Variants in PDSS2 observed in about 807,000 individuals in gnomAD.
The protein encoded by PDSS2 is decaprenyl diphosphate synthase subunit 2, also known as all trans-polyprenyl-diphosphate synthase PDSS2.
PDSS2 carries 31 observed loss-of-function variants against 44.5 expected under a neutral mutation model. The observed-to-expected ratio is 0.70, with a 90% CI of 0.52 to 0.94. The LOEUF is 0.94. Among genes scored for constraint, PDSS2 ranks in the 40% least tolerant of loss-of-function variants. The probability of loss-of-function intolerance (pLI) is 0.00; values close to 1 mark genes in which losing one functional copy is unlikely to be tolerated. For missense variants in PDSS2, 452 were observed against 482.2 expected (o/e 0.94, Z 0.59); for synonymous variants, 157 against 180.3 (o/e 0.87, Z 1.03).
chr6:107,195,163 G>A (rs185950049), intron 6 of PDSS2, among the ~76,000 whole-genome samples: 212 of 151,834 alleles, frequency 1.4e-3, no homozygotes, highest in Non-Finnish European at 2.5e-3. Flanking sequence ...GATTACTTCC[G>A]TGAGAGAAAA....
At chr6:107,363,573 T>C (rs1469363714) in intron 1 of PDSS2, among the ~76,000 whole-genome samples, 14 of 152,166 alleles carry the variant, frequency 9.2e-5, no homozygotes, top group Non-Finnish European at 4.4e-5. Context: ...TTACAGCTCA[T>C]AAAAGCAGCG....
At chr6:107,408,077 G>T (rs1780378353) in intron 1 of PDSS2, among the ~76,000 whole-genome samples, 1 of 151,204 alleles carries the variant, frequency 6.6e-6, no homozygotes, top group African/African-American at 2.4e-5. Flanking sequence ...ATTCAAGCTG[G>T]AGTGCAGTGG....
At chr6:107,211,600 T>C (rs1048234395) in intron 5 of PDSS2, among the ~76,000 whole-genome samples, 7 of 151,920 alleles carry the variant, frequency 4.6e-5, no homozygotes, top group Non-Finnish European at 7.4e-5. Flanking sequence ...CGTGGTGGCA[T>C]GTGCCTGTAA....
At chr6:107,274,777 A>G (rs1775723400) in intron 2 of PDSS2, among the ~76,000 whole-genome samples, 1 of 150,348 alleles carries the variant, frequency 6.7e-6, no homozygotes, top group Non-Finnish European at 1.5e-5. Flanking sequence ...GGCTCAAATA[A>G]TCTTCCCACT....
intron 2 of PDSS2, among the ~76,000 whole-genome samples, chr6:107,307,064 T>A (rs774260856): frequency 2.0e-5 from 3 of 152,264 alleles, no homozygotes; most frequent in African/African-American, 7.2e-5. Flanking sequence ...TCTGGATATA[T>A]CCACTTTTGG....
At chr6:107,287,940 A>C (rs1776210496) in intron 2 of PDSS2, among the ~76,000 whole-genome samples, 1 of 152,168 alleles carries the variant, frequency 6.6e-6, no homozygotes, top group Non-Finnish European at 1.5e-5. Context: ...GGTTGCAGGG[A>C]GCTAGCATTG....
At chr6:107,196,642 C>T (rs919416311) in intron 6 of PDSS2, among the ~76,000 whole-genome samples, 3 of 152,200 alleles carry the variant, frequency 2.0e-5, no homozygotes, top group Admixed American at 6.5e-5. Flanking sequence ...GCATACAACT[C>T]CTAAAATCTT....
intron 2 of PDSS2, among the ~76,000 whole-genome samples, chr6:107,319,841 TCTGATTTTTCAGCTTA>T (rs909967520): frequency 6.6e-6 from 1 of 152,224 alleles, no homozygotes; most frequent in Non-Finnish European, 1.5e-5. Context: ...CCCTGACAAT[TCTGATTTTTCAGCTTA>T]CTGTTTTTGT....
chr6:107,407,331 C>G (rs964869637), intron 1 of PDSS2, among the ~76,000 whole-genome samples: 2 of 152,038 alleles, frequency 1.3e-5, no homozygotes, highest in African/African-American at 2.4e-5. Flanking sequence ...TATTTGTGAT[C>G]ATAAAAAAGT....
At chr6:107,324,676 T>G (rs1777483423) in intron 2 of PDSS2, among the ~76,000 whole-genome samples, 1 of 152,154 alleles carries the variant, frequency 6.6e-6, no homozygotes, top group African/African-American at 2.4e-5. Flanking sequence ...ACATGTTATC[T>G]TAAAAACAAA....
chr6:107,337,440 A>C (rs1777940326), intron 1 of PDSS2, among the ~76,000 whole-genome samples: 1 of 152,204 alleles, frequency 6.6e-6, no homozygotes, highest in Non-Finnish European at 1.5e-5. Context: ...TTGGCTTTAG[A>C]ACCAGACAAG....
At chr6:107,346,994 A>G (rs1778266625) in intron 1 of PDSS2, among the ~76,000 whole-genome samples, 1 of 152,296 alleles carries the variant, frequency 6.6e-6, no homozygotes, top group South Asian at 2.1e-4. Flanking sequence ...GGATCAAGGG[A>G]AGCCCTGAGT....
intron 1 of PDSS2, among the ~76,000 whole-genome samples, chr6:107,349,542 A>C (rs1778368220): frequency 6.6e-6 from 1 of 152,242 alleles, no homozygotes; most frequent in South Asian, 2.1e-4. Flanking sequence ...TGAGGTCAGG[A>C]GTTCGAGATC....
chr6:107,154,995 A>G (rs1323217588), intron 7 of PDSS2, among the ~76,000 whole-genome samples: 1 of 152,164 alleles, frequency 6.6e-6, no homozygotes, highest in Non-Finnish European at 1.5e-5. Flanking sequence ...CCAGAGCAGC[A>G]CAATAGGTTC....
At chr6:107,436,182 T>G (rs1781344103) in intron 1 of PDSS2, among the ~76,000 whole-genome samples, 1 of 152,186 alleles carries the variant, frequency 6.6e-6, no homozygotes, top group South Asian at 2.1e-4. Flanking sequence ...ACAGATGGAT[T>G]TTTTTGGTAA....
intron 2 of PDSS2, among the ~76,000 whole-genome samples, chr6:107,318,870 C>T (rs1488636566): frequency 6.6e-6 from 1 of 152,102 alleles, no homozygotes; most frequent in African/African-American, 2.4e-5. Flanking sequence ...CGCCTGTAAT[C>T]CCAGCTACTT....
Position 107,459,218 on chromosome 6 carries a change from A to C in PDSS2, c.68T>G (p.Leu23Arg). Residue 23 changes from leucine to arginine, a missense_variant, in exon 1 of 8, where the codon CTG becomes CGG. Physicochemically the swap from Leu to Arg is moderately radical, Grantham distance 102. Coordinates refer to ENST00000369037, the MANE Select transcript of PDSS2 (RefSeq NM_020381.4). The surrounding 1 kb of genome is among the most constrained non-coding windows in gnomAD (Gnocchi z 4.3). ...GGTGTCGAGGGACGGGGACCACCAC[A>C]GGCGACGCGGGGAACCCGAGGCTCC... ...YLGASGSPRRLWWSPSLDTIS... is the reference protein window; with the variant it reads ...YLGASGSPRRRWWSPSLDTIS... 1.2e-6 allele frequency: 2 copies of C among 1,614,104 alleles called. No homozygotes were observed. The highest frequency in any genetic ancestry group is 1.3e-5 in the African/African-American group (1 of 75,046).
chr6:107,179,483 G>A (rs968149899), intron 7 of PDSS2, among the ~76,000 whole-genome samples: 1 of 150,260 alleles, frequency 6.7e-6, no homozygotes, highest in Admixed American at 6.6e-5. Flanking sequence ...GTTTCACCAT[G>A]TTGGTCAGGC....
At chr6:107,439,491 T>C (rs541734034) in intron 1 of PDSS2, among the ~76,000 whole-genome samples, 2 of 152,308 alleles carry the variant, frequency 1.3e-5, no homozygotes, top group South Asian at 4.1e-4. Context: ...TCCCTCAAAC[T>C]ACACCTATGG....
Sources: allele counts gnomAD v4.1 joint callset (sites outside exome capture counted in the v4.1 genomes callset), GRCh38; gene constraint gnomAD v4.1.1; non-coding constraint Gnocchi (gnomAD v3.1); transcripts MANE v1.5; gene names NCBI Gene and HGNC (gene_info 2026-07-23, HGNC 2026-07-21).